Variants in FGF13 observed in about 807,000 individuals in gnomAD.
The protein encoded by FGF13 is fibroblast growth factor homologous factor 2.
FGF13 carries 2 observed loss-of-function variants against 19.5 expected under a neutral mutation model. The observed-to-expected ratio is 0.10, with a 90% CI of 0.04 to 0.32. The LOEUF (loss-of-function observed/expected upper bound fraction) is 0.32, where lower values mean the gene tolerates loss of function less well. Ranked by LOEUF, FGF13 falls within the 10% of genes least tolerant of loss-of-function variation. The probability of loss-of-function intolerance (pLI) is 1.00; values close to 1 mark genes in which losing one functional copy is unlikely to be tolerated. For synonymous variants in FGF13, 72 were observed against 76.9 expected (o/e 0.94, Z 0.33); for missense variants, 113 against 192.7 (o/e 0.59, Z 2.45).
intron 1 of FGF13, among the ~76,000 whole-genome samples, chrX:139,097,402 G>A (rs371186847): frequency 9.0e-6 from 1 of 111,431 alleles, no homozygotes; most frequent in East Asian, 2.8e-4. Flanking sequence ...GGCCACATGT[G>A]GCTCATGGCC....
At chrX:139,076,497 T>C (rs1047150189) in intron 1 of FGF13, among the ~76,000 whole-genome samples, 1 of 111,965 alleles carries the variant, frequency 8.9e-6, no homozygotes, top group Non-Finnish European at 1.9e-5. Flanking sequence ...ACCTTCTGCA[T>C]GTATAGAGAT....
At chrX:138,721,469 T>G (rs1347822373) in intron 1 of FGF13, among the ~76,000 whole-genome samples, 1 of 111,822 alleles carries the variant, frequency 8.9e-6, no homozygotes, top group African/African-American at 3.2e-5. Context: ...TTCTGGAAAT[T>G]TAGCTATCAA....
chrX:139,028,459 C>T (rs1408495228), intron 1 of FGF13, among the ~76,000 whole-genome samples: 1 of 111,181 alleles, frequency 9.0e-6, no homozygotes, highest in Non-Finnish European at 1.9e-5. Flanking sequence ...GGTGTTTGTG[C>T]TATGAGGAAA....
chrX:139,180,509 T>A (rs1014483029), intron 1 of FGF13, among the ~76,000 whole-genome samples: 1 of 112,287 alleles, frequency 8.9e-6, no homozygotes, highest in African/African-American at 3.2e-5. Context: ...ACAAATTATT[T>A]TTTTCTTAGT....
rs542728827 is a variant in FGF13, at chrX:138,784,538, C to A, written c.217+72974G>T. Reference sequence around the variant, plus strand: ...ATCTTGACTAGTTACCTGCTCTTTCCTTTTGGAAATACTTTCCACCTCCTA... The same window carrying A: ...ATCTTGACTAGTTACCTGCTCTTTCATTTTGGAAATACTTTCCACCTCCTA... On this transcript the variant is annotated intron_variant, in intron 3 of 6. Transcript: ENST00000436198. 6.3e-5 allele frequency among the ~76,000 whole-genome samples: 7 copies of A among 110,321 alleles called. No homozygotes were observed. In the East Asian group the frequency reaches 2.0e-3, roughly 32 times the overall value.
intron 1 of FGF13, among the ~76,000 whole-genome samples, chrX:139,101,167 CAG>C (rs1228029221): frequency 8.9e-6 from 1 of 111,918 alleles, no homozygotes; most frequent in Non-Finnish European, 1.9e-5. Flanking sequence ...GCACTGGACT[CAG>C]AGACCCAATT....
chrX:138,656,197 T>C lies in FGF13; in HGVS notation c.403-20542A>G, dbSNP rs1005112546. Among the ~76,000 whole-genome samples, 17 of 111,815 alleles carry C rather than the reference T, an allele frequency of 1.5e-4. No individual in the cohort carries two copies. The East Asian group carries it at 4.2e-3, about 28-fold the overall frequency. ...GGAACTTTGAGAACACATGGTGCTT[T>C]AATCAGAGAAGGAGCTGCTGTTTAG... On this transcript the variant is annotated intron_variant, in intron 3 of 4. Coordinates refer to ENST00000315930, the MANE Select transcript of FGF13 (RefSeq NM_004114.5).
Position 139,013,508 on chromosome X carries a change from TATATATATATATATATATATATAA to T in FGF13, c.-112-148882_-112-148859del, listed in dbSNP as rs1246045183. On this transcript the variant is annotated intron_variant, in intron 1 of 2. Transcript: ENST00000421460. The stretch of plus-strand genomic sequence containing the variant: ...ATATATATATATATATATATATATA[TATATATATATATATATATATATAA>T]AATGAAATACTATTCAGCCATAAAA... Among the ~76,000 whole-genome samples the T allele has an allele frequency of 8.3e-3, 229 of 27,689 alleles. 2 individuals are homozygous for T. The highest frequency in any genetic ancestry group is 0.021 in the Middle Eastern group (1 of 47). The allele number at this position is 27,689 out of a possible 115,157, so 24.0% of individuals were successfully genotyped here.
At chrX:139,192,202 CAT>C (rs1420475504) in intron 1 of FGF13, among the ~76,000 whole-genome samples, 1 of 112,356 alleles carries the variant, frequency 8.9e-6, no homozygotes, top group African/African-American at 3.2e-5. Flanking sequence ...GAACTCAAAA[CAT>C]ACAGTTGACA....
chrX:139,005,054 C>T (rs747234758), intron 1 of FGF13, among the ~76,000 whole-genome samples: 2 of 111,530 alleles, frequency 1.8e-5, no homozygotes, highest in African/African-American at 3.3e-5. Context: ...GATTGTAGAG[C>T]CCCAGGGCCC....
At chrX:138,841,843 C>T (rs1333073721) in intron 3 of FGF13, among the ~76,000 whole-genome samples, 1 of 111,259 alleles carries the variant, frequency 9.0e-6, no homozygotes, top group African/African-American at 3.3e-5. Context: ...CATAGACTTG[C>T]TGACAGTGTA....
chrX:139,129,180 C>CACACAT (rs1556370086), intron 1 of FGF13, among the ~76,000 whole-genome samples: 1,515 of 104,714 alleles, frequency 0.014, 45 homozygotes, highest in African/African-American at 0.05. Flanking sequence ...CACACACACA[C>CACACAT]ATGTGTGTGT....
At chrX:138,870,897 C>G (rs953273720) in intron 1 of FGF13, among the ~76,000 whole-genome samples, 5 of 111,921 alleles carry the variant, frequency 4.5e-5, no homozygotes, top group Admixed American at 2.8e-4. Context: ...GGAATTGAAT[C>G]GTGCTGAGGA....
intron 1 of FGF13, among the ~76,000 whole-genome samples, chrX:139,003,798 A>G (rs914949883): frequency 2.0e-4 from 21 of 104,173 alleles, no homozygotes; most frequent in African/African-American, 7.5e-4. Context: ...GCTAGACATA[A>G]ACGTTCTCCA....
At chrX:139,020,154 TG>T (rs2092172259) in intron 1 of FGF13, among the ~76,000 whole-genome samples, 2 of 111,498 alleles carry the variant, frequency 1.8e-5, no homozygotes, top group African/African-American at 6.5e-5. Flanking sequence ...CAAAAAATGA[TG>T]ATCTATGCTA....
chrX:138,892,612 A>G (rs2091483397), intron 1 of FGF13, among the ~76,000 whole-genome samples: 1 of 110,778 alleles, frequency 9.0e-6, no homozygotes, highest in South Asian at 3.9e-4. Context: ...AACTTGAGCT[A>G]ATATAGAGGT....
upstream of FGF13, among the ~76,000 whole-genome samples, chrX:138,713,428 G>A (rs1172473718): frequency 1.8e-5 from 2 of 111,574 alleles, no homozygotes; most frequent in Non-Finnish European, 3.8e-5. Context: ...AATATTTGGG[G>A]TGGGTGATGA....
chrX:138,820,201 TCTAA>T (rs1468870677), intron 3 of FGF13, among the ~76,000 whole-genome samples: 2 of 112,191 alleles, frequency 1.8e-5, no homozygotes, highest in Admixed American at 9.5e-5. Context: ...CATAAGGCAT[TCTAA>T]AGAAATAGCA....
chrX:138,922,494 T>G (rs747957429), intron 1 of FGF13, among the ~76,000 whole-genome samples: 1 of 111,316 alleles, frequency 9.0e-6, no homozygotes, highest in South Asian at 3.8e-4. Context: ...GTCATCATCT[T>G]TAGGGGGGTG....
Sources: gnomAD v4.1 joint callset for allele counts (sites outside exome capture counted in the v4.1 genomes callset) on GRCh38, gnomAD v4.1.1 for gene constraint, MANE v1.5 for transcripts, NCBI Gene and HGNC (gene_info 2026-07-23, HGNC 2026-07-21) for gene names.